Variants in PCSK4 observed in about 807,000 individuals in gnomAD.
The protein encoded by PCSK4 is testicular tissue protein Li 135.
In PCSK4, 64 loss-of-function variants were observed where a neutral mutation model predicts 80.3. That is an observed-to-expected ratio of 0.80 (90% CI 0.65 to 0.98). The LOEUF (loss-of-function observed/expected upper bound fraction) is 0.98. Ranked by LOEUF, PCSK4 falls within the 50% of genes least tolerant of loss-of-function variation. The pLI is 0.00. For missense variants in PCSK4, 1,213 were observed against 1,093.6 expected (o/e 1.11, Z -1.54); for synonymous variants, 561 against 487.6 (o/e 1.15, Z -1.98).
chr19:1,483,121 C>T, intron 12 of PCSK4, 101 bp from the exon 13 acceptor site: 6 of 1,285,410 alleles, frequency 4.7e-6, no homozygotes, highest in South Asian at 1.5e-5. Flanking sequence ...CTGGTGGCCG[C>T]GTGTCCTCTG....
intron 2 of PCSK4, among the ~76,000 whole-genome samples, chr19:1,489,102 G>A (rs1379235737): frequency 6.6e-6 from 1 of 151,642 alleles, no homozygotes; most frequent in Non-Finnish European, 1.5e-5. Context: ...TGCGTCCTGA[G>A]GGCCACTGGG....
chr19:1,483,301 G>A (rs1281478398), exon 12 of PCSK4: 1 of 1,602,490 alleles, frequency 6.2e-7, no homozygotes, highest in East Asian at 2.2e-5. Flanking sequence ...CCACGAGTGT[G>A]GAGCGCGTGC....
In PCSK4 at chr19:1,487,704, C is replaced by T. The variant is rs200442903; in HGVS notation, c.594-13G>A. On this transcript the variant is annotated splice_polypyrimidine_tract_variant and intron_variant, in intron 5 of 14. Transcript: ENST00000300954. Reference sequence around the variant, plus strand: ...GCGGGTCCCGTGCCTGGTGCCAGGGCCAAGAGGGGCTCCTGTCACGGCCTC... The same window carrying T: ...GCGGGTCCCGTGCCTGGTGCCAGGGTCAAGAGGGGCTCCTGTCACGGCCTC... The T allele has an allele frequency of 1.7e-5, 26 of 1,552,352 alleles. No individual in the cohort carries two copies. The highest frequency in any genetic ancestry group is 4.1e-5 in the African/African-American group (3 of 73,376).
exon 13 of PCSK4, chr19:1,482,974 A>C (rs2084384357): frequency 1.9e-6 from 3 of 1,608,264 alleles, no homozygotes; most frequent in Non-Finnish European, 2.5e-6. Context: ...AAGTGGGTGG[A>C]CATGAAGACC....
exon 15 of PCSK4, chr19:1,481,975 C>A: frequency 6.3e-7 from 1 of 1,596,012 alleles, no homozygotes; most frequent in East Asian, 2.3e-5. Flanking sequence ...TGGTGGGTCC[C>A]ATGCAGGAGC....
At chr19:1,488,583 T>A (rs2084766465) in intron 2 of PCSK4, among the ~76,000 whole-genome samples, 1 of 151,768 alleles carries the variant, frequency 6.6e-6, no homozygotes, top group African/African-American at 2.4e-5. Flanking sequence ...CACTTCCTTA[T>A]TTTTTTTCTT....
chr19:1,486,714 G>A (rs2084635737), intron 8 of PCSK4, 139 bp downstream of exon 8: 3 of 717,538 alleles, frequency 4.2e-6, no homozygotes, highest in Non-Finnish European at 4.7e-6. Flanking sequence ...TTACAGGTGT[G>A]AGCCACCGTG....
intron 8 of PCSK4, among the ~76,000 whole-genome samples, chr19:1,484,397 G>A (rs955219316): frequency 6.6e-6 from 1 of 151,764 alleles, no homozygotes; most frequent in East Asian, 1.9e-4. Flanking sequence ...TGACACAGGA[G>A]AATCACTTGA....
At chr19:1,489,298 A>AT (rs1183195811) in intron 2 of PCSK4, among the ~76,000 whole-genome samples, 1 of 151,686 alleles carries the variant, frequency 6.6e-6, no homozygotes, top group Non-Finnish European at 1.5e-5. Flanking sequence ...TGCCCGGCTA[A>AT]TTTTTTTGTA....
At chr19:1,484,758 A>G (rs2084517413) in intron 8 of PCSK4, among the ~76,000 whole-genome samples, 1 of 151,462 alleles carries the variant, frequency 6.6e-6, no homozygotes, top group Non-Finnish European at 1.5e-5. Flanking sequence ...GGTTGCAGTG[A>G]GCCAAGATCA....
In PCSK4 at chr19:1,488,044, CCT is replaced by C. The variant is rs2084732606; in HGVS notation, c.434_435del (p.Gln145ArgfsTer34). ...ACCACGATGCCCTGGCCTGACAGCC[CCT>C]GACTCCAGGCCTGCAGGATGCTCAG... On this transcript the variant is annotated frameshift_variant, in exon 4 of 15. Transcript: ENST00000300954. LOFTEE classifies it high-confidence loss of function. The C allele has an allele frequency of 6.2e-7, 1 of 1,613,320 alleles. No homozygotes were observed. Among genetic ancestry groups the C allele is most frequent in the African/African-American group, 1.3e-5 (1 of 74,924 alleles).
rs1204037796 is a variant in PCSK4 at position 1,488,591 on chromosome 19, CT to C, written c.295-312del. On this transcript the variant is annotated intron_variant, in intron 2 of 14. Transcript: ENST00000300954. ...CCTGCATCACTTCCTTATTTTTTTTCTTTTTTTGAGACAGAGTCTTGTTCTG... is the reference window on the plus strand; with the variant it reads ...CCTGCATCACTTCCTTATTTTTTTTCTTTTTTGAGACAGAGTCTTGTTCTG... 1.2e-4 allele frequency among the ~76,000 whole-genome samples: 18 copies of C among 151,566 alleles called. No individual in the cohort carries two copies. The East Asian group carries it at 1.6e-3, about 13-fold the overall frequency.
exon 4 of PCSK4, chr19:1,488,023 C>G (rs751781773): frequency 1.2e-6 from 2 of 1,613,500 alleles, no homozygotes; most frequent in South Asian, 1.1e-5. Context: ...ACAGAGACCA[C>G]GATGCCCTGG....
At position 1,487,065 on chromosome 19, in the gene PCSK4, C is replaced by T. The variant is rs757528373; in HGVS notation, c.856G>A (p.Gly286Ser). Residue 286 changes from glycine to serine, a missense_variant and splice_region_variant, in exon 8 of 15, where the codon GGC becomes AGC. Gly to Ser is a moderately conservative substitution (Grantham distance 56, BLOSUM62 0). Transcript: ENST00000300954. The stretch of plus-strand genomic sequence containing the variant: ...AAGAGCGTGCCCAGCCCGCCGCGGC[C>T]CTGGGAAACCAGGAGGGGCGGGGAG... 4.4e-6 allele frequency: 7 copies of T among 1,605,164 alleles called. No homozygotes were observed. The South Asian group carries it at 7.7e-5, about 18-fold the overall frequency.
At chr19:1,487,042 G>A (rs2084657628) in exon 8 of PCSK4, 2 of 1,607,262 alleles carry the variant, frequency 1.2e-6, no homozygotes, top group East Asian at 2.2e-5. Flanking sequence ...CCCAGATGAA[G>A]AGCGTGCCCA....
At chr19:1,483,860 C>T in exon 10 of PCSK4, 2 of 1,496,674 alleles carry the variant, frequency 1.3e-6, no homozygotes, top group Non-Finnish European at 1.8e-6. Context: ...CGCCGTTGGT[C>T]CTCCAGTCCT....
chr19:1,484,163 GCA>G (rs2084481185), intron 8 of PCSK4, 36 bp from the exon 9 acceptor site: 1 of 1,199,928 alleles, frequency 8.3e-7, no homozygotes, highest in African/African-American at 1.5e-5. Flanking sequence ...GGGGGGCCGT[GCA>G]CAGTGAGAAT....
At position 1,482,265 on chromosome 19, in the gene PCSK4, G is replaced by A. The variant is rs963312903; in HGVS notation, c.1820-58C>T. ...GCTTGCCACCCGCAGCCTGTTACTC[G>A]CCACCCGCCCGCCTGGGGCCACATG... On this transcript the variant is annotated intron_variant, in intron 14 of 14. Coordinates refer to ENST00000300954, the Ensembl canonical transcript of PCSK4. 1.8e-5 allele frequency: 28 copies of A among 1,526,094 alleles called. 1 individual carries two copies. In the Middle Eastern group the frequency reaches 6.9e-4, roughly 37 times the overall value. The allele number at this position is 1,526,094 out of a possible 1,614,324, so 94.5% of individuals were successfully genotyped here.
At chr19:1,489,476 C>T in intron 2 of PCSK4, 1 of 348,462 alleles carries the variant, frequency 2.9e-6, no homozygotes. Flanking sequence ...TCGTAAAATC[C>T]CCTTCCCTCC....
Sources: gnomAD v4.1 joint callset for allele counts (sites outside exome capture counted in the v4.1 genomes callset) on GRCh38, gnomAD v4.1.1 for gene constraint, MANE v1.5 for transcripts, NCBI Gene and HGNC (gene_info 2026-07-23, HGNC 2026-07-21) for gene names.